The following TBL1X variants were observed in gnomAD, a reference collection of about 807,000 sequenced individuals.
TBL1X encodes F-box-like/WD repeat-containing protein TBL1X.
In TBL1X, 10 loss-of-function variants were observed where a neutral mutation model predicts 50.7. The ratio of observed to expected loss-of-function variants is 0.20; its 90% CI spans 0.12 to 0.33. The LOEUF is 0.33. Among genes scored for constraint, TBL1X ranks in the 10% least tolerant of loss-of-function variants. The pLI, the probability that TBL1X is intolerant of heterozygous loss-of-function variation, is 1.00. For missense variants in TBL1X, 340 were observed against 504.4 expected (o/e 0.67, Z 3.12); for synonymous variants, 190 against 214.7 (o/e 0.88, Z 1.01).
intron 2 of TBL1X, among the ~76,000 whole-genome samples, chrX:9,607,948 T>C (rs1024554032): frequency 4.6e-5 from 5 of 108,032 alleles, no homozygotes; most frequent in African/African-American, 1.0e-4. Flanking sequence ...CACAGGTGCA[T>C]ATCACCATGC....
chrX:9,558,547 T>C (rs942945436), intron 2 of TBL1X, among the ~76,000 whole-genome samples: 1 of 109,300 alleles, frequency 9.1e-6, no homozygotes, highest in African/African-American at 3.3e-5. Flanking sequence ...AAAAAATATA[T>C]ATATATATGT....
intron 2 of TBL1X, among the ~76,000 whole-genome samples, chrX:9,514,129 G>A (rs1206603245): frequency 9.0e-6 from 1 of 111,449 alleles, no homozygotes; most frequent in African/African-American, 3.3e-5. Context: ...CAAAGATGCT[G>A]CTAAGCATCC....
At chrX:9,692,330 G>T in intron 9 of TBL1X, 76 bp downstream of exon 9, 1 of 1,108,734 alleles carries the variant, frequency 9.0e-7, no homozygotes, top group Non-Finnish European at 1.2e-6. Context: ...TGCAGCAATG[G>T]AGCCCATGCA....
At chrX:9,546,899 A>G (rs745336509) in intron 2 of TBL1X, among the ~76,000 whole-genome samples, 1 of 92,423 alleles carries the variant, frequency 1.1e-5, no homozygotes, top group Non-Finnish European at 2.1e-5. Flanking sequence ...GCTCACTGCA[A>G]GCTCCGCCTC....
At chrX:9,498,504 G>C (rs894901103) in intron 1 of TBL1X, among the ~76,000 whole-genome samples, 1 of 112,724 alleles carries the variant, frequency 8.9e-6, no homozygotes, top group Non-Finnish European at 1.9e-5. Context: ...GATGTGCAGC[G>C]TGCAGCCCTG....
At chrX:9,689,989 T>C (rs1484438494) in intron 7 of TBL1X, among the ~76,000 whole-genome samples, 1 of 112,409 alleles carries the variant, frequency 8.9e-6, no homozygotes, top group African/African-American at 3.2e-5. Context: ...TAACCTAAGA[T>C]CACATTGCTT....
At chrX:9,691,768 G>A in intron 8 of TBL1X, 57 bp downstream of exon 8, 3 of 1,183,864 alleles carry the variant, frequency 2.5e-6, no homozygotes, top group East Asian at 3.0e-5. Context: ...GATGCAAGCT[G>A]CTCGCCCTTC....
intron 5 of TBL1X, among the ~76,000 whole-genome samples, chrX:9,678,383 G>A (rs1372609209): frequency 8.9e-6 from 1 of 111,757 alleles, no homozygotes; most frequent in Non-Finnish European, 1.9e-5. Context: ...ATCAACTCAT[G>A]GGTGTGGTTG....
chrX:9,498,503 C>T (rs1177700909), intron 1 of TBL1X, among the ~76,000 whole-genome samples: 3 of 112,754 alleles, frequency 2.7e-5, no homozygotes, highest in African/African-American at 9.7e-5. Flanking sequence ...GGATGTGCAG[C>T]GTGCAGCCCT....
intron 2 of TBL1X, among the ~76,000 whole-genome samples, chrX:9,570,787 C>G (rs1277210918): frequency 9.3e-6 from 1 of 107,215 alleles, no homozygotes; most frequent in Non-Finnish European, 1.9e-5. Flanking sequence ...ACACCATTCT[C>G]CTGCCTCAGC....
chrX:9,627,999 G>A (rs886680068), intron 2 of TBL1X, among the ~76,000 whole-genome samples: 3 of 112,424 alleles, frequency 2.7e-5, no homozygotes, highest in Non-Finnish European at 5.6e-5. Flanking sequence ...CAGCCTTGCT[G>A]TTCAAGAATG....
Position 9,691,567 on chromosome X carries a change from T to G in TBL1X, c.617-12T>G. On this transcript the variant is annotated splice_polypyrimidine_tract_variant and intron_variant, in intron 7 of 17. Transcript: ENST00000645353. ...TGGTAAGCCACTTGTCTCTTTGTGTTTGCTGTGACAGATAATCACGCGAAG... is the reference window on the plus strand; with the variant it reads ...TGGTAAGCCACTTGTCTCTTTGTGTGTGCTGTGACAGATAATCACGCGAAG... The G allele has an allele frequency of 1.7e-6, 2 of 1,210,358 alleles. No individual in the cohort carries two copies.
chrX:9,660,006 C>T (rs956417578), intron 5 of TBL1X, among the ~76,000 whole-genome samples: 1 of 112,359 alleles, frequency 8.9e-6, no homozygotes, highest in African/African-American at 3.2e-5. Context: ...TTAAGCAGTG[C>T]CGTTGGTCTA....
At chrX:9,480,005 C>T (rs1416841702) in intron 1 of TBL1X, among the ~76,000 whole-genome samples, 6 of 96,584 alleles carry the variant, frequency 6.2e-5, no homozygotes, top group African/African-American at 2.4e-4. Context: ...GGCTGGAGTG[C>T]AATGGCATGA....
intron 2 of TBL1X, among the ~76,000 whole-genome samples, chrX:9,516,185 C>T (rs1166855579): frequency 4.5e-5 from 5 of 110,937 alleles, no homozygotes; most frequent in South Asian, 3.8e-4. Flanking sequence ...CTGTTATCTC[C>T]GTGTTGCCAC....
chrX:9,696,621 A>T (rs768615009), intron 11 of TBL1X, among the ~76,000 whole-genome samples: 1 of 112,912 alleles, frequency 8.9e-6, no homozygotes, highest in South Asian at 3.6e-4. Context: ...GTGCAAGCCA[A>T]TGGCTCTGCC....
chrX:9,558,809 G>A (rs1454971154), intron 2 of TBL1X, among the ~76,000 whole-genome samples: 3 of 111,657 alleles, frequency 2.7e-5, no homozygotes, highest in East Asian at 2.8e-4. Context: ...TCTAAGATAC[G>A]TCCTTGGAGT....
rs757165929 is a variant in TBL1X at position 9,688,037 on chromosome X, C to G, written c.378C>G (p.Gly126=). ...SINEDGTVFD[G]RPIESLSLID... is the part of the protein sequence containing the mutation. ...CCCAGGATGGCACAGTGTTCGACGG[C>G]CGCCCCATAGAGTCCCTGTCACTGA... The change falls in exon 7 of 18, where the codon GGC becomes GGG. Residue 126 remains glycine (G), a synonymous_variant. Coordinates refer to ENST00000645353, the MANE Select transcript of TBL1X (RefSeq NM_005647.4). The G allele has an allele frequency of 1.7e-6, 2 of 1,208,043 alleles. No homozygotes were observed. The highest frequency in any genetic ancestry group is 2.3e-4 in the Middle Eastern group (1 of 4,335).
intron 6 of TBL1X, among the ~76,000 whole-genome samples, chrX:9,685,740 T>A (rs1282824106): frequency 8.6e-5 from 8 of 92,489 alleles, no homozygotes; most frequent in Non-Finnish European, 1.8e-4. Flanking sequence ...TTTTTTTTTT[T>A]AAGACAGGGT....
Sources: gnomAD v4.1 joint callset for allele counts (sites outside exome capture counted in the v4.1 genomes callset) on GRCh38, gnomAD v4.1.1 for gene constraint, MANE v1.5 for transcripts, NCBI Gene and HGNC (gene_info 2026-07-23, HGNC 2026-07-21) for gene names.